Variants in RP1L1 observed in about 807,000 individuals in gnomAD.
RP1L1 encodes retinitis pigmentosa 1-like 1 protein.
Under a neutral mutation model 15.7 loss-of-function variants are expected in RP1L1, and 27 were observed. The observed-to-expected ratio is 1.72, with a 90% CI of 1.27 to 2.38. RP1L1 has a LOEUF of 2.38. RP1L1 is among the 30% of genes most tolerant of loss of function. The pLI is 0.00. For synonymous variants in RP1L1, 1,813 were observed against 1,276.7 expected, an observed-to-expected ratio of 1.42 and a Z score of -8.96; for missense variants, 4,798 against 3,075.9, an observed-to-expected ratio of 1.56 and a Z score of -13.24.
chr8:10,628,605 G>A (rs906908637), intron 1 of RP1L1, among the ~76,000 whole-genome samples: 3 of 152,186 alleles, frequency 2.0e-5, no homozygotes, highest in African/African-American at 7.2e-5. Flanking sequence ...GGCTGGCCAT[G>A]GAGCCCCGGT....
chr8:10,608,278 G>A lies in RP1L1; in HGVS notation c.5820C>T (p.Ala1940=), dbSNP rs1292542734. 2.5e-6 allele frequency: 4 copies of A among 1,593,798 alleles called. No individual in the cohort carries two copies. The highest frequency in any genetic ancestry group is 2.7e-5 in the African/African-American group (2 of 73,056). ...EDEPESEGAE[A]QEAEEAAQEA... ...CCTGGGCCGCCTCTTCTGCCTCTTG[G>A]GCCTCTGCACCTTCTGACTCTGGCT... The change falls in exon 4 of 4, where the codon GCC becomes GCT. Residue 1940 remains alanine, a synonymous_variant. Transcript: ENST00000382483.
chr8:10,633,820 G>C (rs1051855427), intron 1 of RP1L1, among the ~76,000 whole-genome samples: 2 of 152,202 alleles, frequency 1.3e-5, no homozygotes, highest in Non-Finnish European at 2.9e-5. Context: ...CAAGGTATAT[G>C]TCCAATTAAT....
At chr8:10,646,706 C>T (rs1157410494) in intron 1 of RP1L1, among the ~76,000 whole-genome samples, 1 of 152,180 alleles carries the variant, frequency 6.6e-6, no homozygotes, top group African/African-American at 2.4e-5. Context: ...GGCACACAAG[C>T]ACCGAGGACA....
In RP1L1 at chr8:10,622,639, A is replaced by G; in HGVS notation, c.563T>C (p.Leu188Pro). 1 of 1,614,218 alleles carries G rather than the reference A, an allele frequency of 6.2e-7. No individual in the cohort carries two copies. Among genetic ancestry groups the G allele is most frequent in the Non-Finnish European group, 8.5e-7 (1 of 1,180,038 alleles). Reference sequence around the variant, plus strand: ...CAACTGCTTCACAGGAAAGCGCAGGAGATCTGAGGCTTTGCCGAGAAAGGC... The same window carrying G: ...CAACTGCTTCACAGGAAAGCGCAGGGGATCTGAGGCTTTGCCGAGAAAGGC... ...LAAFLGKASD[L>P]LRFPVKQLYT... Residue 188 changes from leucine to proline, a missense_variant, in exon 2 of 4, where the codon CTC becomes CCC. Physicochemically the swap from Leu to Pro is moderately conservative, Grantham distance 98 (BLOSUM62 -3). Coordinates refer to ENST00000382483, the MANE Select transcript of RP1L1 (RefSeq NM_178857.6).
Position 10,608,607 on chromosome 8 carries a change from C to G in RP1L1, c.5491G>C (p.Gly1831Arg), listed in dbSNP as rs921382596. Residue 1831 changes from glycine to arginine, a missense_variant, in exon 4 of 4, where the codon GGG becomes CGG. By Grantham distance (125) the Gly-to-Arg change is moderately radical. Transcript: ENST00000382483. ...GGDQDPGQSDGAEGIEAPEAE... is the reference protein window; with the variant it reads ...GGDQDPGQSDRAEGIEAPEAE... Reference sequence around the variant, plus strand: ...TCCGGGGCCTCTATGCCTTCGGCCCCATCACTCTGTCCTGGATCTTGGTCA... The same window carrying G: ...TCCGGGGCCTCTATGCCTTCGGCCCGATCACTCTGTCCTGGATCTTGGTCA... 6.2e-7 allele frequency: 1 copy of G among 1,614,232 alleles called. No homozygotes were observed.
chr8:10,633,654 T>G (rs918680264), intron 1 of RP1L1, among the ~76,000 whole-genome samples: 1 of 151,984 alleles, frequency 6.6e-6, no homozygotes, highest in Admixed American at 6.5e-5. Context: ...ATCATTTGAG[T>G]CCACCATCCA....
chr8:10,637,629 T>C (rs1231210342), intron 1 of RP1L1, among the ~76,000 whole-genome samples: 1 of 152,178 alleles, frequency 6.6e-6, no homozygotes, highest in Non-Finnish European at 1.5e-5. Flanking sequence ...CCATTTATAG[T>C]CACTAGATCT....
intron 1 of RP1L1, among the ~76,000 whole-genome samples, chr8:10,654,635 G>A (rs755189227): frequency 9.8e-4 from 150 of 152,322 alleles, no homozygotes; most frequent in African/African-American, 3.1e-3. Flanking sequence ...CAGACAGGCT[G>A]TGATACTAAC....
At chr8:10,648,722 T>C (rs1287965553) in intron 1 of RP1L1, among the ~76,000 whole-genome samples, 1 of 152,202 alleles carries the variant, frequency 6.6e-6, no homozygotes, top group Non-Finnish European at 1.5e-5. Context: ...CTCTGACTTT[T>C]ATGTGGGCTT....
At chr8:10,632,936 G>A (rs1011636296) in intron 1 of RP1L1, among the ~76,000 whole-genome samples, 10 of 152,140 alleles carry the variant, frequency 6.6e-5, no homozygotes, top group Non-Finnish European at 1.5e-4. Flanking sequence ...CTCCTTGGGC[G>A]GAGGCTGCAA....
At chr8:10,644,547 A>T (rs1798449453) in intron 1 of RP1L1, among the ~76,000 whole-genome samples, 1 of 152,228 alleles carries the variant, frequency 6.6e-6, no homozygotes, top group Non-Finnish European at 1.5e-5. Flanking sequence ...CTGGACAGAG[A>T]CCCAGGAACC....
chr8:10,622,821 C>T lies in RP1L1; in HGVS notation c.381G>A (p.Gln127=). 1 of 1,613,634 alleles carries T rather than the reference C, an allele frequency of 6.2e-7. No homozygotes were observed. The highest frequency in any genetic ancestry group is 8.5e-7 in the Non-Finnish European group (1 of 1,179,702). ...GRPQERNPTA[Q]QLRDVEGQRE... is the part of the protein sequence containing the mutation. ...GCTGGCCTTCGACATCCCGCAACTGCTGAGCAGTGGGGTTTCTCTCCTGTG... is the reference window on the plus strand; with the variant it reads ...GCTGGCCTTCGACATCCCGCAACTGTTGAGCAGTGGGGTTTCTCTCCTGTG... Residue 127 remains glutamine (Q), a synonymous_variant, in exon 2 of 4, where the codon CAG becomes CAA. Transcript: ENST00000382483.
rs371770155 is a variant in RP1L1, at chr8:10,613,198, C to T, written c.900G>A (p.Ser300=). The T allele has an allele frequency of 9.6e-5, 155 of 1,613,582 alleles. No individual in the cohort carries two copies. The Middle Eastern group carries it at 2.0e-3, about 21-fold the overall frequency. The stretch of plus-strand genomic sequence containing the variant: ...TGTCATCGCCAGCCACCAGCGGGCC[C>T]GACTGAGCTGGCGTGTCCTGAGGGT... ...GRHPQDTPAQ[S]GPLVAGDDMK... The change falls in exon 4 of 4, where the codon TCG becomes TCA. Residue 300 remains serine (S), a synonymous_variant. Coordinates refer to ENST00000382483, the MANE Select transcript of RP1L1 (RefSeq NM_178857.6).
At chr8:10,652,575 T>C (rs1429263715) in intron 1 of RP1L1, among the ~76,000 whole-genome samples, 1 of 152,196 alleles carries the variant, frequency 6.6e-6, no homozygotes, top group Non-Finnish European at 1.5e-5. Context: ...ACGTAGCTAG[T>C]GAGTGGTGAA....
chr8:10,608,321 T>C lies in RP1L1; in HGVS notation c.5777A>G (p.Glu1926Gly), dbSNP rs1182468321. ...QPETESVEAL[E>G]TEGEDEPESE... is the part of the protein sequence containing the mutation. Reference sequence around the variant, plus strand: ...CTCTGGCTCGTCCTCCCCTTCAGTCTCCAGGGCCTCTACACTTTCTGTCTC... The same window carrying C: ...CTCTGGCTCGTCCTCCCCTTCAGTCCCCAGGGCCTCTACACTTTCTGTCTC... Residue 1926 changes from glutamate (E) to glycine (G), a missense_variant, in exon 4 of 4, where the codon GAG (glutamate) becomes GGG (glycine). Coordinates refer to ENST00000382483, the MANE Select transcript of RP1L1 (RefSeq NM_178857.6). The C allele has an allele frequency of 1.9e-6, 3 of 1,612,938 alleles. No homozygotes were observed. The highest frequency in any genetic ancestry group is 4.5e-5 in the East Asian group (2 of 44,742).
At chr8:10,650,184 G>A (rs1462905854) in intron 1 of RP1L1, among the ~76,000 whole-genome samples, 2 of 152,152 alleles carry the variant, frequency 1.3e-5, no homozygotes, top group African/African-American at 4.8e-5. Flanking sequence ...TGAGGAGAAA[G>A]CCAAGAGAAT....
Position 10,610,379 on chromosome 8 carries a change from T to C in RP1L1, c.3719A>G (p.Asp1240Gly). The change falls in exon 4 of 4, where the codon GAT becomes GGT. Residue 1240 changes from aspartate (D) to glycine (G), a missense_variant. Physicochemically the swap from Asp to Gly is moderately conservative, Grantham distance 94 (BLOSUM62 -1). Coordinates refer to ENST00000382483, the MANE Select transcript of RP1L1 (RefSeq NM_178857.6). ...LPLKTSNQRPDSRTYESPGDL... is the reference protein window; with the variant it reads ...LPLKTSNQRPGSRTYESPGDL... ...CCCTGGGCTCTCATAAGTTCTTGAA[T>C]CAGGCCTCTGGTTGGAGGTTTTCAG... 6.2e-7 allele frequency: 1 copy of C among 1,614,094 alleles called. No homozygotes were observed. The highest frequency in any genetic ancestry group is 1.1e-5 in the South Asian group (1 of 91,076).
intron 2 of RP1L1, among the ~76,000 whole-genome samples, chr8:10,617,357 G>A (rs1585974740): frequency 8.0e-6 from 1 of 124,360 alleles, no homozygotes; most frequent in South Asian, 2.5e-4. Flanking sequence ...CACAGAGCAT[G>A]TTTTTTCTCA....
chr8:10,611,101 A>G lies in RP1L1; in HGVS notation c.2997T>C (p.Ser999=), dbSNP rs747466926. 2.5e-6 allele frequency: 4 copies of G among 1,612,710 alleles called. No homozygotes were observed. The South Asian group carries it at 3.3e-5, about 13-fold the overall frequency. ...GPEVDPGDDH[S]LEGLGEPAQA... The stretch of plus-strand genomic sequence containing the variant: ...GAGCTGGCTCCCCCAGGCCTTCCAG[A>G]GAATGGTCATCCCCAGGGTCCACCT... Residue 999 remains serine (S), a synonymous_variant, in exon 4 of 4, where the codon TCT becomes TCC. Coordinates refer to ENST00000382483, the MANE Select transcript of RP1L1 (RefSeq NM_178857.6).
Sources: allele counts gnomAD v4.1 joint callset (sites outside exome capture counted in the v4.1 genomes callset), GRCh38; gene constraint gnomAD v4.1.1; transcripts MANE v1.5; gene names NCBI Gene and HGNC (gene_info 2026-07-23, HGNC 2026-07-21).